SLC8A1: variants seen among roughly 807,000 people sequenced by gnomAD.
SLC8A1 encodes solute carrier family 8 member A1.
In SLC8A1, 18 loss-of-function variants were observed where a neutral mutation model predicts 68.3. That is an observed-to-expected ratio of 0.26 (90% CI 0.18 to 0.39). SLC8A1 has a LOEUF of 0.39. SLC8A1 is among the 10% of genes least tolerant of loss of function. The pLI, the probability that SLC8A1 is intolerant of heterozygous loss-of-function variation, is 1.00. For synonymous variants in SLC8A1, 475 were observed against 415.5 expected (o/e 1.14, Z -1.74); for missense variants, 985 against 1,156.7 (o/e 0.85, Z 2.15).
intron 2 of SLC8A1, among the ~76,000 whole-genome samples, chr2:40,300,917 G>C (rs1481486518): frequency 6.6e-6 from 1 of 152,180 alleles, no homozygotes; most frequent in East Asian, 1.9e-4. Flanking sequence ...AGTAGGTTAA[G>C]ATGATTTACT....
chr2:40,259,065 G>A (rs560624275), intron 2 of SLC8A1, among the ~76,000 whole-genome samples: 71 of 152,162 alleles, frequency 4.7e-4, no homozygotes, highest in Non-Finnish European at 8.4e-4. Flanking sequence ...GTGTGAGGGT[G>A]TGAGGTGTTA....
At chr2:40,273,751 C>G (rs1295075896) in intron 2 of SLC8A1, among the ~76,000 whole-genome samples, 2 of 152,136 alleles carry the variant, frequency 1.3e-5, no homozygotes, top group Non-Finnish European at 2.9e-5. Context: ...TATCCTCTTT[C>G]TGGCTTAATG....
intron 2 of SLC8A1, among the ~76,000 whole-genome samples, chr2:40,183,647 A>G (rs1266722594): frequency 6.6e-6 from 1 of 152,172 alleles, no homozygotes; most frequent in Non-Finnish European, 1.5e-5. Context: ...ACTCTTATGT[A>G]TGCTGAAGTC....
chr2:40,439,988 A>T (rs1576502965), intron 1 of SLC8A1, among the ~76,000 whole-genome samples: 1 of 152,130 alleles, frequency 6.6e-6, no homozygotes. Flanking sequence ...ATTACCTATT[A>T]CAATACACTT....
intron 1 of SLC8A1, among the ~76,000 whole-genome samples, chr2:40,435,448 T>A (rs1576469111): frequency 6.6e-6 from 1 of 152,148 alleles, no homozygotes. Context: ...GACCCTCTAC[T>A]AATACCTAAT....
chr2:40,178,609 A>G (rs568617909), intron 2 of SLC8A1, 116 bp from the exon 3 acceptor site: 2 of 827,698 alleles, frequency 2.4e-6, no homozygotes, highest in African/African-American at 1.7e-5. Context: ...AGTAATCGAG[A>G]AACTTCTGTA....
chr2:40,353,120 T>G (rs539084539), intron 2 of SLC8A1, among the ~76,000 whole-genome samples: 1 of 152,298 alleles, frequency 6.6e-6, no homozygotes, highest in East Asian at 1.9e-4. Context: ...CAACTGAAAT[T>G]ACTTGGGAAT....
In SLC8A1 at chr2:40,334,098, A is replaced by C. The variant is rs1361457965; in HGVS notation, c.1808+94375T>G. 2.6e-5 allele frequency among the ~76,000 whole-genome samples: 4 copies of C among 152,186 alleles called. No individual in the cohort carries two copies. The East Asian group carries it at 7.7e-4, about 29-fold the overall frequency. On this transcript the variant is annotated intron_variant, in intron 2 of 7. Transcript: ENST00000406785. Reference sequence around the variant, plus strand: ...TCAATATGCATTATCATGTATATCCATTTTGTTGCAACATCATCAACATAT... The same window carrying C: ...TCAATATGCATTATCATGTATATCCCTTTTGTTGCAACATCATCAACATAT...
chr2:40,317,986 T>C (rs757723809), intron 2 of SLC8A1, among the ~76,000 whole-genome samples: 1 of 151,948 alleles, frequency 6.6e-6, no homozygotes, highest in Non-Finnish European at 1.5e-5. Context: ...GCTGAGAGGA[T>C]TGGAGAGCAA....
intron 1 of SLC8A1, among the ~76,000 whole-genome samples, chr2:40,444,917 T>C (rs183656910): frequency 1.0e-3 from 152 of 152,324 alleles, no homozygotes; most frequent in African/African-American, 3.5e-3. Flanking sequence ...CTTCGGTATA[T>C]GCCATTTTGC....
Position 40,252,961 on chromosome 2 carries a change from A to G in SLC8A1, c.1809-75106T>C, listed in dbSNP as rs1290802651. Among the ~76,000 whole-genome samples, 2 of 143,996 alleles carry G rather than the reference A, an allele frequency of 1.4e-5. 1 individual carries two copies. Among genetic ancestry groups the G allele is most frequent in the African/African-American group, 5.2e-5 (2 of 38,356 alleles). 94.5% of individuals were successfully genotyped at this position (143,996 alleles called of 152,430 possible). The stretch of plus-strand genomic sequence containing the variant: ...TATGTACATATATACATATGTGTGT[A>G]TATGTATGTACATATATGTATCTGT... On this transcript the variant is annotated intron_variant, in intron 2 of 7. Transcript: ENST00000406785.
At chr2:40,497,373 T>C (rs907903067) in intron 1 of SLC8A1, among the ~76,000 whole-genome samples, 2 of 152,008 alleles carry the variant, frequency 1.3e-5, no homozygotes, top group Non-Finnish European at 2.9e-5. Flanking sequence ...ATAAGTAAGA[T>C]TGATATACAC....
chr2:40,173,229 G>A (rs1018305304), intron 4 of SLC8A1, among the ~76,000 whole-genome samples: 12 of 152,120 alleles, frequency 7.9e-5, no homozygotes, highest in Non-Finnish European at 2.9e-5. Flanking sequence ...TAGAATTAGA[G>A]TGTTTACAAG....
At chr2:40,284,967 A>C (rs2068081130) in intron 2 of SLC8A1, among the ~76,000 whole-genome samples, 1 of 152,132 alleles carries the variant, frequency 6.6e-6, no homozygotes, top group Non-Finnish European at 1.5e-5. Context: ...CTAGTTTTAT[A>C]ACCAGAGAAT....
At chr2:40,504,457 T>C (rs1706240674) in intron 1 of SLC8A1, among the ~76,000 whole-genome samples, 2 of 151,926 alleles carry the variant, frequency 1.3e-5, no homozygotes, top group South Asian at 2.1e-4. Flanking sequence ...AATGGATAAA[T>C]GGGATCACAT....
chr2:40,316,372 A>G (rs2074448313), intron 2 of SLC8A1, among the ~76,000 whole-genome samples: 1 of 152,050 alleles, frequency 6.6e-6, no homozygotes, highest in African/African-American at 2.4e-5. Context: ...CTACTGGAAA[A>G]GACCTAAATA....
At chr2:40,113,385 T>G (rs371427287) in exon 8 of SLC8A1, 127 of 152,904 alleles carry the variant, frequency 8.3e-4, no homozygotes, top group African/African-American at 2.8e-3. Context: ...CTCACTACTT[T>G]GGAATGTTGG....
chr2:40,458,349 A>T (rs1703146456), intron 1 of SLC8A1, among the ~76,000 whole-genome samples: 1 of 152,082 alleles, frequency 6.6e-6, no homozygotes, highest in East Asian at 1.9e-4. Context: ...AGTCCAGTCC[A>T]TTACTATGGG....
chr2:40,209,187 G>A (rs966125823), intron 2 of SLC8A1: 4 of 152,036 alleles, frequency 2.6e-5, no homozygotes, highest in African/African-American at 9.7e-5. Flanking sequence ...GGTGAGAGAT[G>A]GCAGTTGAAA....
Sources: gnomAD v4.1 joint callset for allele counts (sites outside exome capture counted in the v4.1 genomes callset) on GRCh38, gnomAD v4.1.1 for gene constraint, MANE v1.5 for transcripts, NCBI Gene and HGNC (gene_info 2026-07-23, HGNC 2026-07-21) for gene names.